EPHA7: variants seen among roughly 807,000 people sequenced by gnomAD.
EPHA7 encodes EPH receptor A7.
In EPHA7, 25 loss-of-function variants were observed where a neutral mutation model predicts 112.6. The ratio of observed to expected loss-of-function variants is 0.22; its 90% confidence interval spans 0.16 to 0.31. The LOEUF (loss-of-function observed/expected upper bound fraction) is 0.31, where lower values mean the gene tolerates loss of function less well. Among genes scored for constraint, EPHA7 ranks in the 10% least tolerant of loss-of-function variants. EPHA7 has a pLI of 1.00. For synonymous variants in EPHA7, 437 were observed against 406.5 expected (o/e 1.07, Z -0.90); for missense variants, 962 against 1,212.6 (o/e 0.79, Z 3.07).
At chr6:93,282,676 C>T (rs917346761) in intron 5 of EPHA7, among the ~76,000 whole-genome samples, 32 of 152,120 alleles carry the variant, frequency 2.1e-4, no homozygotes, top group African/African-American at 5.8e-4. Flanking sequence ...GCTGGGGCTG[C>T]GCACAGCGCT....
intron 3 of EPHA7, among the ~76,000 whole-genome samples, chr6:93,375,033 T>C (rs990676494): frequency 2.6e-5 from 4 of 152,138 alleles, no homozygotes; most frequent in African/African-American, 7.2e-5. Context: ...TGTAACTAAA[T>C]GTCTGAAAGT....
intron 5 of EPHA7, among the ~76,000 whole-genome samples, chr6:93,330,628 T>C (rs1582533828): frequency 6.6e-6 from 1 of 151,364 alleles, no homozygotes. Flanking sequence ...TTCTTTTTTA[T>C]GGCTGAATAG....
intron 5 of EPHA7, among the ~76,000 whole-genome samples, chr6:93,298,316 T>C (rs1317647608): frequency 2.6e-5 from 4 of 152,122 alleles, no homozygotes. Context: ...TAACATAAAA[T>C]TTAAGCCATT....
chr6:93,286,510 T>C (rs76457975), intron 5 of EPHA7, among the ~76,000 whole-genome samples: 5,808 of 152,196 alleles, frequency 0.038, 375 homozygotes, highest in African/African-American at 0.13. Context: ...ACTAGCAGTG[T>C]CTGTCACCTT....
chr6:93,340,406 G>A (rs2127919249), intron 5 of EPHA7, among the ~76,000 whole-genome samples: 1 of 151,820 alleles, frequency 6.6e-6, no homozygotes, highest in East Asian at 1.9e-4. Flanking sequence ...ATGGATACAG[G>A]TTTAGAATAC....
At chr6:93,385,667 T>C (rs1009953584) in intron 3 of EPHA7, among the ~76,000 whole-genome samples, 3 of 152,030 alleles carry the variant, frequency 2.0e-5, no homozygotes, top group African/African-American at 7.2e-5. Flanking sequence ...CTTTGTAAAA[T>C]TATATATAAA....
chr6:93,357,114 A>G, intron 4 of EPHA7, 62 bp from the exon 5 acceptor site: 1 of 1,313,690 alleles, frequency 7.6e-7, no homozygotes, highest in South Asian at 1.5e-5. Context: ...ATACAAACAA[A>G]AAGAACAAAA....
chr6:93,348,156 G>A (rs903745985), intron 5 of EPHA7, among the ~76,000 whole-genome samples: 4 of 151,678 alleles, frequency 2.6e-5, no homozygotes, highest in Admixed American at 2.0e-4. Flanking sequence ...AAAGATACTG[G>A]GACTGGAGAT....
chr6:93,289,346 C>G (rs1772232992), intron 5 of EPHA7, among the ~76,000 whole-genome samples: 1 of 151,846 alleles, frequency 6.6e-6, no homozygotes. Flanking sequence ...TAATATATCA[C>G]TAAGAAATTT....
At chr6:93,253,424 C>A (rs1009161161) in intron 14 of EPHA7, among the ~76,000 whole-genome samples, 7 of 150,454 alleles carry the variant, frequency 4.7e-5, no homozygotes, top group African/African-American at 7.3e-5. Flanking sequence ...GGGAAAGTAT[C>A]AAAAATAACC....
intron 16 of EPHA7, among the ~76,000 whole-genome samples, chr6:93,243,870 T>C (rs1252775072): frequency 6.6e-6 from 1 of 152,110 alleles, no homozygotes; most frequent in East Asian, 1.9e-4. Context: ...AAATGTTGTA[T>C]TCTTGAACCT....
intron 3 of EPHA7, among the ~76,000 whole-genome samples, chr6:93,373,834 CAT>C (rs1776920456): frequency 6.6e-6 from 1 of 151,096 alleles, no homozygotes; most frequent in South Asian, 2.1e-4. Context: ...TATATTGTTA[CAT>C]GTTTTACAAA....
chr6:93,294,372 C>T (rs1186425769), intron 5 of EPHA7, among the ~76,000 whole-genome samples: 1 of 152,040 alleles, frequency 6.6e-6, no homozygotes, highest in African/African-American at 2.4e-5. Flanking sequence ...AATTTAAGTC[C>T]CATGACTATT....
chr6:93,275,096 TGAAAA>T (rs1053040685), intron 5 of EPHA7, among the ~76,000 whole-genome samples: 1 of 151,832 alleles, frequency 6.6e-6, no homozygotes, highest in Admixed American at 6.6e-5. Context: ...AGTTCATTTC[TGAAAA>T]GAAAATAACA....
Position 93,389,804 on chromosome 6 carries a change from TAAC to T in EPHA7, c.832+20694_832+20696del, listed in dbSNP as rs1777812263. ...CTGAGTCCACAGCACTATTCAACAA[TAAC>T]AACAAGAAGTTGGGACTAGAGAAAG... On this transcript the variant is annotated intron_variant, in intron 3 of 16. Coordinates refer to ENST00000369303, the MANE Select transcript of EPHA7 (RefSeq NM_004440.4). 8.6e-5 allele frequency among the ~76,000 whole-genome samples: 13 copies of T among 151,994 alleles called. No individual in the cohort carries two copies. In the South Asian group the frequency reaches 2.7e-3, roughly 32 times the overall value.
chr6:93,381,027 A>G (rs574507945), intron 3 of EPHA7, among the ~76,000 whole-genome samples: 40 of 152,244 alleles, frequency 2.6e-4, no homozygotes, highest in African/African-American at 8.9e-4. Flanking sequence ...CCATTAAGCA[A>G]TGCCTCCTGA....
intron 5 of EPHA7, among the ~76,000 whole-genome samples, chr6:93,318,738 A>G (rs1773927002): frequency 6.6e-6 from 1 of 152,088 alleles, no homozygotes; most frequent in African/African-American, 2.4e-5. Context: ...AAAAATAACA[A>G]AGATTTAAAA....
At chr6:93,271,429 A>T (rs1771212541) in intron 6 of EPHA7, among the ~76,000 whole-genome samples, 1 of 151,872 alleles carries the variant, frequency 6.6e-6, no homozygotes, top group Admixed American at 6.6e-5. Context: ...TATGTGTATT[A>T]TAGCACTTCA....
intron 2 of EPHA7, among the ~76,000 whole-genome samples, chr6:93,413,588 A>G (rs557520901): frequency 6.6e-6 from 1 of 151,878 alleles, no homozygotes; most frequent in African/African-American, 2.4e-5. Flanking sequence ...TGTTATATTC[A>G]TACCTCCAAC....
Sources: allele counts gnomAD v4.1 joint callset (sites outside exome capture counted in the v4.1 genomes callset), GRCh38; gene constraint gnomAD v4.1.1; transcripts MANE v1.5; gene names NCBI Gene and HGNC (gene_info 2026-07-23, HGNC 2026-07-21).